NBAS: variants seen among roughly 807,000 people sequenced by gnomAD.
NBAS encodes the protein NAG/BC035112 fusion.
A neutral mutation model predicts 302.5 loss-of-function variants in NBAS; 219 were observed. The observed-to-expected ratio is 0.72, with a 90% CI of 0.65 to 0.81. The LOEUF is 0.81. Among genes scored for constraint, NBAS ranks in the 30% least tolerant of loss-of-function variants. The probability of loss-of-function intolerance (pLI) is 0.00; values close to 1 mark genes in which losing one functional copy is unlikely to be tolerated. For synonymous variants in NBAS, 1,118 were observed against 1,021.6 expected, an observed-to-expected ratio of 1.09 and a Z score of -1.80; for missense variants, 2,932 against 2,841.6, an observed-to-expected ratio of 1.03 and a Z score of -0.72.
the NBAS span, among the ~76,000 whole-genome samples, chr2:14,816,292 G>A: frequency 9.2e-5 from 14 of 152,152 alleles, no homozygotes; most frequent in Admixed American, 2.0e-4. Context: ...GATTAGCAGC[G>A]GCATTAGAGT....
At chr2:15,462,416 T>C (rs1187180691) in intron 19 of NBAS, among the ~76,000 whole-genome samples, 3 of 152,156 alleles carry the variant, frequency 2.0e-5, no homozygotes, top group Non-Finnish European at 4.4e-5. Flanking sequence ...AATGAAAAGT[T>C]AGCCATGGAA....
the NBAS span, among the ~76,000 whole-genome samples, chr2:14,827,268 A>G: frequency 1.3e-5 from 2 of 152,218 alleles, no homozygotes; most frequent in South Asian, 2.1e-4. Context: ...TCAAAATATC[A>G]TCTATCATGT....
the NBAS span, among the ~76,000 whole-genome samples, chr2:15,051,162 A>G: frequency 1.3e-5 from 2 of 152,332 alleles, no homozygotes; most frequent in African/African-American, 4.8e-5. Flanking sequence ...TTGGTGGCTG[A>G]ACAACGAAGA....
chr2:15,324,314 G>A (rs182321782), intron 38 of NBAS, among the ~76,000 whole-genome samples: 105 of 152,118 alleles, frequency 6.9e-4, no homozygotes, highest in Non-Finnish European at 2.6e-4. Flanking sequence ...GCCTACTATC[G>A]CTTCATCTCT....
rs565596809 is a variant in NBAS, at chr2:15,221,135, C to T, written c.6237-2167G>A. Among the ~76,000 whole-genome samples the T allele has an allele frequency of 8.5e-5, 13 of 152,258 alleles. No homozygotes were observed. The South Asian group carries it at 2.7e-3, about 32-fold the overall frequency. ...TAAAAATAGGATGCTACAAGTATTT[C>T]TGGTGAACCTTTTGCAAGCTGAATA... On this transcript the variant is annotated intron_variant, in intron 47 of 51. Coordinates refer to ENST00000281513, the MANE Select transcript of NBAS (RefSeq NM_015909.4).
At chr2:15,338,471 A>G (rs1442883028) in intron 35 of NBAS, among the ~76,000 whole-genome samples, 1 of 152,156 alleles carries the variant, frequency 6.6e-6, no homozygotes, top group African/African-American at 2.4e-5. Flanking sequence ...AGAACAAGCA[A>G]TAGAAAAATA....
intron 21 of NBAS, among the ~76,000 whole-genome samples, chr2:15,432,664 T>C (rs74850961): frequency 0.052 from 7,883 of 152,244 alleles, 285 homozygotes; most frequent in Non-Finnish European, 0.076. Context: ...AAATGTGGAG[T>C]TATATTTATT....
chr2:14,884,082 T>A, the NBAS span, among the ~76,000 whole-genome samples: 1 of 152,098 alleles, frequency 6.6e-6, no homozygotes, highest in Non-Finnish European at 1.5e-5. Flanking sequence ...CTGGGGGGAC[T>A]CTTGGCAGCA....
the NBAS span, among the ~76,000 whole-genome samples, chr2:14,996,378 C>T: frequency 4.6e-5 from 7 of 152,198 alleles, no homozygotes; most frequent in Non-Finnish European, 1.0e-4. Context: ...TGTGACAGAA[C>T]TTATCCAGAG....
At chr2:15,309,050 TA>T in intron 39 of NBAS, 120 bp downstream of exon 39, 1 of 452,712 alleles carries the variant, frequency 2.2e-6, no homozygotes, top group Non-Finnish European at 3.6e-6. Context: ...AATAAATAAA[TA>T]AAAGAAAAAA....
chr2:15,445,370 T>C (rs1159163943), intron 21 of NBAS, among the ~76,000 whole-genome samples: 7 of 148,510 alleles, frequency 4.7e-5, no homozygotes, highest in Admixed American at 2.7e-4. Flanking sequence ...ATGGATGAAA[T>C]TGGAAATCAT....
rs1024361772 is a variant in NBAS, at chr2:15,205,489, C to A, written c.6432+13284G>T. On this transcript the variant is annotated intron_variant, in intron 48 of 51. Coordinates refer to ENST00000281513, the MANE Select transcript of NBAS (RefSeq NM_015909.4). The stretch of plus-strand genomic sequence containing the variant: ...GTGGTTGAATAAATTAAAAAAAAAA[C>A]CAGACCCAATGATCTGTTGCCAGAA... Among the ~76,000 whole-genome samples, 453 of 139,278 alleles carry A rather than the reference C, an allele frequency of 3.3e-3. 5 individuals carry two copies. The highest frequency in any genetic ancestry group is 0.011 in the African/African-American group (416 of 36,426). 91.4% of individuals were successfully genotyped at this position (139,278 alleles called of 152,430 possible).
At chr2:15,261,161 T>C (rs184096896) in intron 44 of NBAS, among the ~76,000 whole-genome samples, 58 of 152,378 alleles carry the variant, frequency 3.8e-4, no homozygotes, top group African/African-American at 1.3e-3. Flanking sequence ...ACTTTATGTT[T>C]TGCTAATAGC....
chr2:15,158,827 C>A, the NBAS span, among the ~76,000 whole-genome samples: 3 of 152,170 alleles, frequency 2.0e-5, no homozygotes, highest in Admixed American at 1.3e-4. Context: ...CCAGCAGGCA[C>A]AGAAATGGGG....
At position 15,379,595 on chromosome 2, in the gene NBAS, AT is replaced by A; in HGVS notation, c.3590+6del. 1.2e-6 allele frequency: 2 copies of A among 1,612,732 alleles called. No homozygotes were observed. Among genetic ancestry groups the A allele is most frequent in the South Asian group, 2.2e-5 (2 of 91,040 alleles). The stretch of plus-strand genomic sequence containing the variant: ...CCATCTTAGGGAAGAATATAGAGTT[AT>A]TCTACCTGGCTAGATCCATGCAGCT... On this transcript the variant is annotated splice_donor_region_variant and intron_variant, in intron 30 of 51. Coordinates refer to ENST00000281513, the MANE Select transcript of NBAS (RefSeq NM_015909.4).
intron 6 of NBAS, among the ~76,000 whole-genome samples, chr2:15,540,528 A>G (rs755970776): frequency 4.6e-5 from 7 of 151,998 alleles, no homozygotes; most frequent in South Asian, 2.1e-4. Flanking sequence ...TGCCACTTTA[A>G]AAGTCCTGAA....
chr2:15,128,682 T>C, the NBAS span, among the ~76,000 whole-genome samples: 10,783 of 152,142 alleles, frequency 0.071, 589 homozygotes, highest in African/African-American at 0.15. Flanking sequence ...GGCTCACTTG[T>C]ACAGAAGCAA....
intron 48 of NBAS, among the ~76,000 whole-genome samples, chr2:15,210,793 A>G (rs1666370554): frequency 6.6e-6 from 1 of 152,216 alleles, no homozygotes; most frequent in Non-Finnish European, 1.5e-5. Flanking sequence ...ATTCAGCCAT[A>G]AAAAGAATGA....
At chr2:15,113,918 T>C in the NBAS span, among the ~76,000 whole-genome samples, 1 of 152,166 alleles carries the variant, frequency 6.6e-6, no homozygotes, top group African/African-American at 2.4e-5. Context: ...TAATGGCTAC[T>C]AACAGCACAA....
Sources: gnomAD v4.1 joint callset for allele counts (sites outside exome capture counted in the v4.1 genomes callset) on GRCh38, gnomAD v4.1.1 for gene constraint, MANE v1.5 for transcripts, NCBI Gene and HGNC (gene_info 2026-07-23, HGNC 2026-07-21) for gene names.